The following DNMBP variants were observed in gnomAD, a reference collection of about 807,000 sequenced individuals.
The protein encoded by DNMBP is dynamin binding protein.
A neutral mutation model predicts 150.0 loss-of-function variants in DNMBP; 87 were observed. The observed-to-expected ratio is 0.58, with a 90% CI of 0.49 to 0.69. The LOEUF is 0.69. Among genes scored for constraint, DNMBP ranks in the 30% least tolerant of loss-of-function variants. The pLI is 0.00. For synonymous variants in DNMBP, 711 were observed against 750.4 expected (o/e 0.95, Z 0.86); for missense variants, 1,774 against 1,949.0 (o/e 0.91, Z 1.69).
chr10:99,931,665 G>A (rs1225094384), intron 4 of DNMBP, among the ~76,000 whole-genome samples: 1 of 152,140 alleles, frequency 6.6e-6, no homozygotes, highest in Admixed American at 6.6e-5. Context: ...AATCAAAAAG[G>A]CAGGTAAATG....
At chr10:99,971,272 T>G (rs925481252) in intron 2 of DNMBP, among the ~76,000 whole-genome samples, 1 of 152,082 alleles carries the variant, frequency 6.6e-6, no homozygotes, top group African/African-American at 2.4e-5. Flanking sequence ...ATTCTGAAAT[T>G]TATTGACTTG....
chr10:99,922,835 T>C (rs1297946975), intron 4 of DNMBP, among the ~76,000 whole-genome samples: 1 of 152,210 alleles, frequency 6.6e-6, no homozygotes, highest in Non-Finnish European at 1.5e-5. Flanking sequence ...TGAAGAAATA[T>C]GGCCCTGCAT....
At chr10:99,927,200 T>C (rs969400520) in intron 4 of DNMBP, 1 of 152,136 alleles carries the variant, frequency 6.6e-6, no homozygotes, top group African/African-American at 2.4e-5. Context: ...ACATTCCACT[T>C]AGACAATCAA....
Position 99,900,083 on chromosome 10 carries a change from A to T in DNMBP, c.2555-17T>A. Reference sequence around the variant, plus strand: ...ACACAGGTCCTTTGGAATACACACAAACATACAGTGTTTTTAGTAAACTTT... The same window carrying T: ...ACACAGGTCCTTTGGAATACACACATACATACAGTGTTTTTAGTAAACTTT... On this transcript the variant is annotated splice_polypyrimidine_tract_variant and intron_variant, in intron 6 of 16. Transcript: ENST00000324109. 6.2e-7 allele frequency: 1 copy of T among 1,613,780 alleles called. No individual in the cohort carries two copies. Among genetic ancestry groups the T allele is most frequent in the Non-Finnish European group, 8.5e-7 (1 of 1,179,898 alleles).
intron 4 of DNMBP, among the ~76,000 whole-genome samples, chr10:99,935,976 T>C (rs2040226038): frequency 6.6e-6 from 1 of 152,194 alleles, no homozygotes; most frequent in Non-Finnish European, 1.5e-5. Flanking sequence ...GGTGCTTTGC[T>C]ACCCAGATCT....
At position 99,888,832 on chromosome 10, in the gene DNMBP, G is replaced by T. The variant is rs1467682860; in HGVS notation, c.3278C>A (p.Thr1093Lys). Residue 1093 changes from threonine (T) to lysine (K), a missense_variant, in exon 12 of 17, where the codon ACA becomes AAA. Physicochemically the swap from Thr to Lys is moderately conservative, Grantham distance 78 (BLOSUM62 -1). This residue lies in a region of DNMBP where 1,430 missense variants were observed against 1,492.5 expected (regional missense o/e 0.96). Transcript: ENST00000324109. ...GAAGAAAAAGTTACTTACAAAGTTT[G>T]TGAAGAGCTGGTCACTGATGTAGCG... ...VHRYISDQLF[T>K]NFKERTERLV... The T allele has an allele frequency of 6.2e-7, 1 of 1,613,996 alleles. No individual in the cohort carries two copies. Among genetic ancestry groups the T allele is most frequent in the Non-Finnish European group, 8.5e-7 (1 of 1,180,004 alleles).
intron 3 of DNMBP, among the ~76,000 whole-genome samples, chr10:99,967,487 C>T (rs914188989): frequency 3.3e-5 from 5 of 152,164 alleles, no homozygotes; most frequent in Admixed American, 6.5e-5. Context: ...GATCATGCCA[C>T]TGCACTCCAG....
At chr10:99,901,592 A>T (rs2039739157) in intron 6 of DNMBP, among the ~76,000 whole-genome samples, 1 of 152,132 alleles carries the variant, frequency 6.6e-6, no homozygotes. Context: ...CTACAGAACA[A>T]TTGCCTTCAG....
chr10:99,893,099 T>C lies in DNMBP; in HGVS notation c.3156+1847A>G, dbSNP rs58914888. 1.4e-3 allele frequency among the ~76,000 whole-genome samples: 209 copies of C among 152,320 alleles called. 1 individual carries two copies. Among genetic ancestry groups the C allele is most frequent in the African/African-American group, 4.9e-3 (204 of 41,570 alleles). On this transcript the variant is annotated intron_variant, in intron 11 of 16. Transcript: ENST00000324109. ...ATATAAGAAATGACAATTTAAACTA[T>C]ATTGAAATATTTTTTACCTCTCTTG... is the stretch of plus-strand genomic sequence containing the variant.
chr10:99,968,972 T>C, intron 3 of DNMBP, 143 bp downstream of exon 3: 1 of 841,348 alleles, frequency 1.2e-6, no homozygotes, highest in Non-Finnish European at 1.8e-6. Context: ...CTATAAGGCA[T>C]CATTACGTCC....
intron 3 of DNMBP, among the ~76,000 whole-genome samples, chr10:99,958,632 G>A (rs1396038672): frequency 6.6e-6 from 1 of 152,178 alleles, no homozygotes; most frequent in Non-Finnish European, 1.5e-5. Context: ...ACTACCATGG[G>A]CTTGGCAGCT....
At chr10:99,894,876 G>A in intron 11 of DNMBP, 70 bp downstream of exon 11, 1 of 1,198,420 alleles carries the variant, frequency 8.3e-7, no homozygotes, top group South Asian at 1.3e-5. Context: ...TAAACAATAT[G>A]ACTGATGAAC....
In DNMBP at chr10:99,959,551, C is replaced by T. The variant is rs573777552; in HGVS notation, c.269-2346G>A. Among the ~76,000 whole-genome samples, 120 of 152,112 alleles carry T rather than the reference C, an allele frequency of 7.9e-4. 1 individual carries two copies. Among genetic ancestry groups the T allele is most frequent in the African/African-American group, 2.7e-3 (114 of 41,516 alleles). Reference sequence around the variant, plus strand: ...AAAAAGCTCTTTGGGGTCTCAATAACTTTTAAGAGTATACAGGGAGGCCAG... The same window carrying T: ...AAAAAGCTCTTTGGGGTCTCAATAATTTTTAAGAGTATACAGGGAGGCCAG... On this transcript the variant is annotated intron_variant, in intron 3 of 16. Transcript: ENST00000324109.
rs184700997 is a variant in DNMBP at position 99,902,842 on chromosome 10, C to T, written c.2555-2776G>A. 6.1e-3 allele frequency among the ~76,000 whole-genome samples: 929 copies of T among 151,148 alleles called. 12 individuals are homozygous for T. Among genetic ancestry groups the T allele is most frequent in the African/African-American group, 0.021 (868 of 41,192 alleles). Reference sequence around the variant, plus strand: ...ACTCGGGAGACTGAGGCAGGAGAATCGTTTGAACCCAGGAGGCAGAGGTTG... The same window carrying T: ...ACTCGGGAGACTGAGGCAGGAGAATTGTTTGAACCCAGGAGGCAGAGGTTG... On this transcript the variant is annotated intron_variant, in intron 6 of 16. Coordinates refer to ENST00000324109, the MANE Select transcript of DNMBP (RefSeq NM_015221.4).
intron 4 of DNMBP, among the ~76,000 whole-genome samples, chr10:99,916,145 A>G (rs968743565): frequency 6.6e-6 from 1 of 152,194 alleles, no homozygotes; most frequent in Admixed American, 6.5e-5. Flanking sequence ...TTGCATTTAT[A>G]AAATGCCACC....
chr10:99,930,626 A>G (rs1290201326), intron 4 of DNMBP: 1 of 702,678 alleles, frequency 1.4e-6, no homozygotes, highest in East Asian at 2.7e-5. Flanking sequence ...GATCCAAGTC[A>G]TTTTCTCTGT....
intron 3 of DNMBP, among the ~76,000 whole-genome samples, chr10:99,960,438 A>G (rs3121885): frequency 1.3e-5 from 2 of 152,178 alleles, no homozygotes; most frequent in African/African-American, 2.4e-5. Context: ...AAATCCTATG[A>G]GTCATTTTAT....
In DNMBP at chr10:99,998,012, G is replaced by T. The variant is rs545561394; in HGVS notation, c.-11+11826C>A. On this transcript the variant is annotated intron_variant, in intron 1 of 16. Transcript: ENST00000324109. ...GCACTTTGGGAGGCCAAGGTGGGCA[G>T]ATCACAAGGTCAGGAGATCAAGACC... 3.3e-5 allele frequency among the ~76,000 whole-genome samples: 5 copies of T among 149,536 alleles called. No homozygotes were observed. The East Asian group carries it at 1.0e-3, about 30-fold the overall frequency.
intron 1 of DNMBP, among the ~76,000 whole-genome samples, chr10:100,005,394 T>C (rs1363677639): frequency 6.6e-6 from 1 of 152,036 alleles, no homozygotes; most frequent in Non-Finnish European, 1.5e-5. Flanking sequence ...GCAAACAGCA[T>C]GGGGTATAAA....
Sources: gnomAD v4.1 joint callset for allele counts (sites outside exome capture counted in the v4.1 genomes callset) on GRCh38, gnomAD v4.1.1 for gene constraint, gnomAD v4.1.1 regional missense constraint, MANE v1.5 for transcripts, NCBI Gene and HGNC (gene_info 2026-07-23, HGNC 2026-07-21) for gene names.